MED14: variants seen among roughly 807,000 people sequenced by gnomAD.
MED14 encodes the protein mediator of RNA polymerase II transcription subunit 14.
Under a neutral mutation model 109.0 loss-of-function variants are expected in MED14, and 8 were observed. The observed-to-expected ratio is 0.07, with a 90% CI of 0.04 to 0.13. The LOEUF (loss-of-function observed/expected upper bound fraction) is 0.13, where lower values mean the gene tolerates loss of function less well. Ranked by LOEUF, MED14 falls within the 10% of genes least tolerant of loss-of-function variation. The probability of loss-of-function intolerance (pLI) is 1.00; values close to 1 mark genes in which losing one functional copy is unlikely to be tolerated. For missense variants in MED14, 711 were observed against 1,142.4 expected, an observed-to-expected ratio of 0.62 and a Z score of 5.44; for synonymous variants, 399 against 408.7, an observed-to-expected ratio of 0.98 and a Z score of 0.29.
In MED14 at chrX:40,709,986, G is replaced by T; in HGVS notation, c.1166C>A (p.Ala389Asp). 8.5e-7 allele frequency: 1 copy of T among 1,171,029 alleles called. No homozygotes were observed. Among genetic ancestry groups the T allele is most frequent in the Non-Finnish European group, 1.1e-6 (1 of 870,448 alleles). ...TATATTGAGATCTTTTACCTTCATG[G>T]CTCTTTCTACTAATTTGGAATCAGA... ...PASDSKLVER[A>D]MKIDHLSIEK... The change falls in exon 9 of 31, where the codon GCC becomes GAC. Residue 389 changes from alanine to aspartate, a missense_variant. Ala to Asp is a moderately radical substitution (Grantham distance 126). Transcript: ENST00000324817.
At chrX:40,714,465 C>A in intron 4 of MED14, 72 bp downstream of exon 4, 1 of 1,070,326 alleles carries the variant, frequency 9.3e-7, no homozygotes, top group Non-Finnish European at 1.3e-6. Flanking sequence ...TGCTGGGCTA[C>A]TTAATAATAC....
chrX:40,733,772 G>C (rs73199808), intron 1 of MED14, among the ~76,000 whole-genome samples: 56 of 112,240 alleles, frequency 5.0e-4, no homozygotes, highest in Non-Finnish European at 9.4e-4. Flanking sequence ...AGGGAGGACA[G>C]TGGAATCAGG....
At chrX:40,654,626 A>G in intron 29 of MED14, 70 bp from the exon 30 acceptor site, 1 of 1,008,398 alleles carries the variant, frequency 9.9e-7, no homozygotes. Context: ...TATCAAAGGT[A>G]CTATCATTTA....
chrX:40,671,512 T>G (rs1260322607), intron 23 of MED14, among the ~76,000 whole-genome samples: 1 of 112,116 alleles, frequency 8.9e-6, no homozygotes, highest in Non-Finnish European at 1.9e-5. Context: ...GTGGCTTCAT[T>G]CCAATGAAAC....
chrX:40,650,048 T>C lies in MED14; in HGVS notation c.*1758A>G. The stretch of plus-strand genomic sequence containing the variant: ...TGCAGATAAAAATACATTTCTTGTA[T>C]ATACATGTAGATTTCTACATGAAAG... On this transcript the variant is annotated 3_prime_UTR_variant, in exon 31 of 31. Coordinates refer to ENST00000324817, the MANE Select transcript of MED14 (RefSeq NM_004229.4). 1 of 746,544 alleles carries C rather than the reference T, an allele frequency of 1.3e-6. No homozygotes were observed. The highest frequency in any genetic ancestry group is 1.6e-6 in the Non-Finnish European group (1 of 631,903). 61.5% of individuals were successfully genotyped at this position (746,544 alleles called of 1,213,427 possible).
chrX:40,730,432 C>T (rs1288383404), intron 1 of MED14, among the ~76,000 whole-genome samples: 5 of 111,636 alleles, frequency 4.5e-5, no homozygotes, highest in African/African-American at 1.6e-4. Flanking sequence ...CTTGAGAACA[C>T]TCCTTGAGAA....
chrX:40,728,377 CCTT>C (rs1409434804), intron 2 of MED14, among the ~76,000 whole-genome samples: 2 of 111,532 alleles, frequency 1.8e-5, no homozygotes, highest in African/African-American at 3.3e-5. Flanking sequence ...ACGTTTTCCT[CCTT>C]TAATACTGAC....
At position 40,692,231 on chromosome X, in the gene MED14, G is replaced by C; in HGVS notation, c.1932C>G (p.Phe644Leu). The change falls in exon 15 of 31, where the codon TTC becomes TTG. Residue 644 changes from phenylalanine to leucine, a missense_variant. Physicochemically the swap from Phe to Leu is conservative, Grantham distance 22 (BLOSUM62 0). Around this residue, in one of 8 missense-constraint regions of MED14, gnomAD observed 388 missense variants for 517.3 expected, o/e 0.75. Transcript: ENST00000324817. ...GCATATTTGTATCACACATAGCGAC[G>C]AAGTGGGCTAAAACTTTATTGAAGG... is the stretch of plus-strand genomic sequence containing the variant. ...MCAFNKVLAH[F>L]VAMCDTNMPF... The C allele has an allele frequency of 8.3e-7, 1 of 1,208,811 alleles. No individual in the cohort carries two copies. The highest frequency in any genetic ancestry group is 1.1e-6 in the Non-Finnish European group (1 of 893,488).
Position 40,703,874 on chromosome X carries a change from T to C in MED14, c.1286-305A>G, listed in dbSNP as rs193193575. On this transcript the variant is annotated intron_variant, in intron 10 of 30. Coordinates refer to ENST00000324817, the MANE Select transcript of MED14 (RefSeq NM_004229.4). ...AATTCAACTTCATCAGTGAGCTGAG[T>C]TCTAGTTTTACTTTCACTTGGTAAT... is the stretch of plus-strand genomic sequence containing the variant. Among the ~76,000 whole-genome samples, 20 of 112,594 alleles carry C rather than the reference T, an allele frequency of 1.8e-4. No homozygotes were observed. In the East Asian group the frequency reaches 4.7e-3, roughly 27 times the overall value.
chrX:40,684,044 T>C (rs773645412), intron 16 of MED14, among the ~76,000 whole-genome samples: 3 of 112,023 alleles, frequency 2.7e-5, no homozygotes, highest in Non-Finnish European at 5.6e-5. Context: ...CAGAAGGTGG[T>C]TAATTCTCAG....
At chrX:40,689,422 G>A (rs1432149442) in intron 15 of MED14, among the ~76,000 whole-genome samples, 1 of 111,823 alleles carries the variant, frequency 8.9e-6, no homozygotes, top group Non-Finnish European at 1.9e-5. Flanking sequence ...GGCCAGATGC[G>A]GTGGCTCACA....
intron 10 of MED14, among the ~76,000 whole-genome samples, chrX:40,707,107 G>GGACA (rs1555996861): frequency 2.0e-5 from 2 of 101,297 alleles, no homozygotes; most frequent in African/African-American, 7.4e-5. Flanking sequence ...ATACATAGAT[G>GGACA]GATAGATAGA....
intron 13 of MED14, among the ~76,000 whole-genome samples, chrX:40,695,540 T>A (rs1322997840): frequency 8.9e-6 from 1 of 112,465 alleles, no homozygotes; most frequent in Non-Finnish European, 1.9e-5. Context: ...GTCACTGACA[T>A]TAAAGCGTGG....
intron 10 of MED14, among the ~76,000 whole-genome samples, chrX:40,705,510 A>C (rs1931105187): frequency 8.9e-6 from 1 of 112,281 alleles, no homozygotes; most frequent in South Asian, 3.7e-4. Flanking sequence ...AGAAAATAAA[A>C]TACACAATGC....
At position 40,675,212 on chromosome X, in the gene MED14, A is replaced by G. The variant is rs1465550643; in HGVS notation, c.3021+9T>C. 8.7e-7 allele frequency: 1 copy of G among 1,155,190 alleles called. No homozygotes were observed. The highest frequency in any genetic ancestry group is 1.2e-6 in the Non-Finnish European group (1 of 869,096). Reference sequence around the variant, plus strand: ...TGTGATACCACTTGGAATTCTGGCTAGATATTACCTGTTGCTGGGGTGGTG... The same window carrying G: ...TGTGATACCACTTGGAATTCTGGCTGGATATTACCTGTTGCTGGGGTGGTG... On this transcript the variant is annotated intron_variant, in intron 22 of 30. Transcript: ENST00000324817.
chrX:40,666,483 G>C (rs1285221339), intron 24 of MED14, among the ~76,000 whole-genome samples: 2 of 110,724 alleles, frequency 1.8e-5, no homozygotes, highest in Non-Finnish European at 3.8e-5. Flanking sequence ...ATGTGTGACA[G>C]GAAGGGCAAG....
At chrX:40,691,705 G>C (rs1203390884) in intron 15 of MED14, among the ~76,000 whole-genome samples, 1 of 99,204 alleles carries the variant, frequency 1.0e-5, no homozygotes, top group Non-Finnish European at 2.0e-5. Context: ...TATACCTCCT[G>C]GGTTCAAGTA....
chrX:40,685,772 C>A (rs747547102), intron 16 of MED14, among the ~76,000 whole-genome samples: 12 of 112,273 alleles, frequency 1.1e-4, no homozygotes, highest in Non-Finnish European at 5.6e-5. Context: ...CCATTTGATA[C>A]TATGATTGCA....
At chrX:40,667,060 T>TA (rs1426889246) in intron 23 of MED14, among the ~76,000 whole-genome samples, 3,187 of 106,864 alleles carry the variant, frequency 0.03, 63 homozygotes, top group Admixed American at 0.085. Flanking sequence ...ATTGACTGAT[T>TA]AAAAAAAAAA....
Sources: allele counts gnomAD v4.1 joint callset (sites outside exome capture counted in the v4.1 genomes callset), GRCh38; gene constraint gnomAD v4.1.1; regional missense constraint gnomAD v4.1.1; transcripts MANE v1.5; gene names NCBI Gene and HGNC (gene_info 2026-07-23, HGNC 2026-07-21).